The following TIAM1 variants were observed in gnomAD, a reference collection of about 807,000 sequenced individuals.
TIAM1 encodes the protein rho guanine nucleotide exchange factor TIAM1.
In TIAM1, 65 loss-of-function variants were observed where a neutral mutation model predicts 163.5. That is an observed-to-expected ratio of 0.40 (90% CI 0.33 to 0.49). TIAM1 has a LOEUF of 0.49. Ranked by LOEUF, TIAM1 falls within the 20% of genes least tolerant of loss-of-function variation. The pLI is 0.77. For synonymous variants in TIAM1, 833 were observed against 810.1 expected (o/e 1.03, Z -0.48); for missense variants, 1,789 against 2,044.7 (o/e 0.87, Z 2.41).
intron 6 of TIAM1, among the ~76,000 whole-genome samples, chr21:31,226,154 C>T (rs897781731): frequency 1.3e-5 from 2 of 152,204 alleles, no homozygotes; most frequent in African/African-American, 2.4e-5. Context: ...CTCTCCCCTC[C>T]TCCCTTTCAA....
At chr21:31,329,027 G>A (rs1047665434) in intron 2 of TIAM1, among the ~76,000 whole-genome samples, 8 of 152,086 alleles carry the variant, frequency 5.3e-5, no homozygotes, top group African/African-American at 1.4e-4. Context: ...TTAGGTATCC[G>A]GAGATGATTT....
chr21:31,454,630 G>A (rs1456957219), intron 2 of TIAM1, among the ~76,000 whole-genome samples: 3 of 152,168 alleles, frequency 2.0e-5, no homozygotes, highest in Non-Finnish European at 2.9e-5. Context: ...ATCCACGTGG[G>A]AGGAGGTAGA....
intron 4 of TIAM1, among the ~76,000 whole-genome samples, chr21:31,260,243 CT>C (rs36068901): frequency 0.15 from 20,619 of 137,994 alleles, 1,786 homozygotes; most frequent in East Asian, 0.41. Context: ...CACATATATA[CT>C]TTTTTTTTTT....
At chr21:31,181,493 G>C (rs1479936704) in intron 15 of TIAM1, among the ~76,000 whole-genome samples, 3 of 151,378 alleles carry the variant, frequency 2.0e-5, no homozygotes, top group African/African-American at 7.3e-5. Context: ...GAAGGAGCGG[G>C]GAGAGGAAGG....
intron 1 of TIAM1, among the ~76,000 whole-genome samples, chr21:31,477,608 A>G (rs991724670): frequency 4.6e-5 from 7 of 151,428 alleles, no homozygotes; most frequent in Non-Finnish European, 8.8e-5. Context: ...CCAAGTAGCT[A>G]GGAGTATAGG....
chr21:31,491,088 G>A (rs896812160), intron 1 of TIAM1, among the ~76,000 whole-genome samples: 20 of 152,150 alleles, frequency 1.3e-4, no homozygotes, highest in African/African-American at 4.3e-4. Context: ...CCGGGATTGC[G>A]CCACTGCGCT....
intron 19 of TIAM1, among the ~76,000 whole-genome samples, chr21:31,148,993 G>GTTTTTT (rs1568921557): frequency 4.0e-5 from 6 of 150,878 alleles, no homozygotes; most frequent in African/African-American, 1.5e-4. Context: ...ACAATGAGGA[G>GTTTTTT]TTTAAAAAGA....
At chr21:31,512,617 C>CTTT (rs35338359) in intron 1 of TIAM1, among the ~76,000 whole-genome samples, 17 of 121,760 alleles carry the variant, frequency 1.4e-4, no homozygotes, top group African/African-American at 2.9e-4. Flanking sequence ...TTTTTCTTTT[C>CTTT]TTTTTTTTTT....
intron 2 of TIAM1, among the ~76,000 whole-genome samples, chr21:31,391,628 A>C (rs1569290662): frequency 6.6e-6 from 1 of 152,184 alleles, no homozygotes; most frequent in Non-Finnish European, 1.5e-5. Flanking sequence ...CTGTCTTAAA[A>C]AAAACAAAAC....
chr21:31,158,995 A>G (rs913100094), intron 16 of TIAM1, among the ~76,000 whole-genome samples: 1 of 152,052 alleles, frequency 6.6e-6, no homozygotes, highest in African/African-American at 2.4e-5. Context: ...GCTTCTCAAC[A>G]CGCTCCCAAA....
chr21:31,275,421 C>T (rs943742316), intron 3 of TIAM1, among the ~76,000 whole-genome samples: 5 of 152,026 alleles, frequency 3.3e-5, no homozygotes, highest in South Asian at 2.1e-4. Flanking sequence ...TACAACAAAA[C>T]GGCATCAAAC....
At chr21:31,285,220 T>C (rs960738026) in intron 2 of TIAM1, among the ~76,000 whole-genome samples, 3 of 152,172 alleles carry the variant, frequency 2.0e-5, no homozygotes, top group Non-Finnish European at 4.4e-5. Context: ...CATAGCTGCC[T>C]TCGCACACAG....
chr21:31,490,887 G>A (rs2046443676), intron 1 of TIAM1, among the ~76,000 whole-genome samples: 4 of 152,372 alleles, frequency 2.6e-5, no homozygotes, highest in African/African-American at 9.6e-5. Context: ...AGCACTTTGG[G>A]AGGCCAAGGT....
intron 2 of TIAM1, among the ~76,000 whole-genome samples, chr21:31,299,993 C>G (rs1024787740): frequency 6.6e-6 from 1 of 152,116 alleles, no homozygotes; most frequent in African/African-American, 2.4e-5. Context: ...TGGATGTTGT[C>G]CTTGCCCAAA....
rs752134748 is a variant in TIAM1 at position 31,251,971 on chromosome 21, GC to G, written c.1181del (p.Ser394ThrfsTer24). 6.2e-7 allele frequency: 1 copy of G among 1,613,980 alleles called. No individual in the cohort carries two copies. The highest frequency in any genetic ancestry group is 8.5e-7 in the Non-Finnish European group (1 of 1,179,946). ...YENFRRELEMSTTNSESLEEA... is the reference protein window; with the variant it reads ...YENFRRELEMXTTNSESLEEA... ...CCTCCAGGCTCTCGCTGTTGGTGGTGCTCATCTCCAGCTCCCGCCGGAAGTT... is the reference window on the plus strand; with the variant it reads ...CCTCCAGGCTCTCGCTGTTGGTGGTGTCATCTCCAGCTCCCGCCGGAAGTT... On this transcript the variant is annotated frameshift_variant, in exon 5 of 28. Coordinates refer to ENST00000541036, the MANE Select transcript of TIAM1 (RefSeq NM_001353694.2). LOFTEE classifies it high-confidence loss of function.
chr21:31,372,666 C>A (rs2076615449), intron 2 of TIAM1, among the ~76,000 whole-genome samples: 1 of 152,148 alleles, frequency 6.6e-6, no homozygotes, highest in African/African-American at 2.4e-5. Flanking sequence ...TATGTACCAA[C>A]ATGACATAAA....
At chr21:31,326,178 A>G (rs1048368193) in intron 2 of TIAM1, among the ~76,000 whole-genome samples, 8 of 151,740 alleles carry the variant, frequency 5.3e-5, no homozygotes, top group Admixed American at 2.0e-4. Flanking sequence ...ACATGTCCTG[A>G]TTTTGTTTGG....
At chr21:31,138,865 A>G (rs966987140) in intron 22 of TIAM1, among the ~76,000 whole-genome samples, 1 of 152,118 alleles carries the variant, frequency 6.6e-6, no homozygotes, top group Non-Finnish European at 1.5e-5. Context: ...TTCCACAACA[A>G]TATCTTCTCT....
rs1034374065 is a variant in TIAM1, at chr21:31,160,663, C to A, written c.2991+4299G>T. 3 of 395,580 alleles carry A rather than the reference C, an allele frequency of 7.6e-6. No individual in the cohort carries two copies. The South Asian group carries it at 4.2e-4, about 56-fold the overall frequency. 24.5% of individuals were successfully genotyped at this position (395,580 alleles called of 1,614,324 possible). ...TGAAGAGAGCATCCTCTCATATGGACGTCCCATGCTGGTTTTCCCATGAAA... is the reference window on the plus strand; with the variant it reads ...TGAAGAGAGCATCCTCTCATATGGAAGTCCCATGCTGGTTTTCCCATGAAA... On this transcript the variant is annotated intron_variant, in intron 16 of 27. Coordinates refer to ENST00000541036, the MANE Select transcript of TIAM1 (RefSeq NM_001353694.2).
Sources: gnomAD v4.1 joint callset for allele counts (sites outside exome capture counted in the v4.1 genomes callset) on GRCh38, gnomAD v4.1.1 for gene constraint, MANE v1.5 for transcripts, NCBI Gene and HGNC (gene_info 2026-07-23, HGNC 2026-07-21) for gene names.